Variants in DDC observed in about 807,000 individuals in gnomAD.
DDC encodes the protein dopa decarboxylase.
A neutral mutation model predicts 60.0 loss-of-function variants in DDC; 43 were observed. That is an observed-to-expected ratio of 0.72 (90% CI 0.56 to 0.92). DDC has a LOEUF of 0.92. Ranked by LOEUF, DDC falls within the 40% of genes least tolerant of loss-of-function variation. The pLI, the probability that DDC is intolerant of heterozygous loss-of-function variation, is 0.00. For synonymous variants in DDC, 232 were observed against 234.6 expected (o/e 0.99, Z 0.10); for missense variants, 573 against 620.2 (o/e 0.92, Z 0.81).
chr7:50,488,060 G>C (rs2153537667), intron 9 of DDC, among the ~76,000 whole-genome samples: 1 of 152,074 alleles, frequency 6.6e-6, no homozygotes, highest in East Asian at 1.9e-4. Flanking sequence ...TTTTTACATA[G>C]GTAAACACCT....
intron 14 of DDC, among the ~76,000 whole-genome samples, chr7:50,459,226 C>G (rs919598405): frequency 6.6e-6 from 1 of 152,220 alleles, no homozygotes; most frequent in South Asian, 2.1e-4. Flanking sequence ...CCCGAGGTGC[C>G]GGGATTGCAG....
chr7:50,479,682 C>G, intron 10 of DDC, 105 bp downstream of exon 10: 1 of 990,880 alleles, frequency 1.0e-6, no homozygotes, highest in East Asian at 2.4e-5. Context: ...CTGTGAAAGC[C>G]TCCTTGGATA....
At chr7:50,492,557 C>A (rs6592952) in intron 9 of DDC, 171,460 of 364,984 alleles carry the variant, frequency 0.47, 41,094 homozygotes, top group Admixed American at 0.5. Context: ...AACCACCCTG[C>A]CCCACCACTG....
chr7:50,483,397 T>C (rs1166813778), intron 9 of DDC, among the ~76,000 whole-genome samples: 1 of 152,232 alleles, frequency 6.6e-6, no homozygotes, highest in Non-Finnish European at 1.5e-5. Context: ...TTGGATTTTA[T>C]TTGCTAATGT....
chr7:50,540,803 C>A (rs1006565208), intron 2 of DDC, among the ~76,000 whole-genome samples: 4 of 152,192 alleles, frequency 2.6e-5, no homozygotes, highest in African/African-American at 9.7e-5. Flanking sequence ...GGGGTAGTGA[C>A]AGCTCCAGGT....
chr7:50,563,484 G>A (rs2045381265), intron 1 of DDC, among the ~76,000 whole-genome samples: 1 of 152,078 alleles, frequency 6.6e-6, no homozygotes, highest in Admixed American at 6.5e-5. Flanking sequence ...AAAGATGGTG[G>A]ATTTGTTGAT....
At chr7:50,558,898 A>G (rs539067393) in intron 1 of DDC, among the ~76,000 whole-genome samples, 1 of 152,338 alleles carries the variant, frequency 6.6e-6, no homozygotes, top group Admixed American at 6.5e-5. Flanking sequence ...GAACAGGGGA[A>G]TGTGGCTTCG....
At chr7:50,490,634 A>T (rs1410235122) in intron 9 of DDC, among the ~76,000 whole-genome samples, 1 of 151,852 alleles carries the variant, frequency 6.6e-6, no homozygotes, top group Non-Finnish European at 1.5e-5. Flanking sequence ...CATGCCACTG[A>T]GCCGAGATCA....
chr7:50,537,695 G>T (rs1563038337), intron 4 of DDC, among the ~76,000 whole-genome samples, 165 bp downstream of exon 4: 1 of 152,218 alleles, frequency 6.6e-6, no homozygotes, highest in Admixed American at 6.5e-5. Context: ...TCCAGATCCT[G>T]CCAATCCCAA....
At chr7:50,559,998 G>T (rs1043694666) in intron 1 of DDC, among the ~76,000 whole-genome samples, 7 of 152,202 alleles carry the variant, frequency 4.6e-5, no homozygotes, top group African/African-American at 1.4e-4. Context: ...AGGAAGAAAA[G>T]AAACTGCTGA....
Position 50,494,057 on chromosome 7 carries a change from C to A in DDC, c.944+1293G>T, listed in dbSNP as rs899498706. 4.6e-5 allele frequency among the ~76,000 whole-genome samples: 7 copies of A among 152,308 alleles called. 1 individual carries two copies. Among genetic ancestry groups the A allele is most frequent in the Admixed American group, 3.9e-4 (6 of 15,302 alleles). ...CTATGATCAATCAATCAACTTCTTA[C>A]TTTAAAACTTTAGAGAAACTAGTTT... On this transcript the variant is annotated intron_variant, in intron 9 of 14. Coordinates refer to ENST00000444124, the MANE Select transcript of DDC (RefSeq NM_001082971.2).
At chr7:50,516,660 A>T (rs2043739910) in intron 6 of DDC, among the ~76,000 whole-genome samples, 1 of 152,206 alleles carries the variant, frequency 6.6e-6, no homozygotes, top group African/African-American at 2.4e-5. Flanking sequence ...TGAAAAGTTA[A>T]ATAAAATTGA....
intron 10 of DDC, chr7:50,477,459 C>T (rs975553921): frequency 4.5e-5 from 20 of 448,458 alleles, no homozygotes; most frequent in Non-Finnish European, 7.1e-5. Flanking sequence ...CCTACTTCCG[C>T]AGTCAACAGG....
At chr7:50,486,661 C>T (rs2042885658) in intron 9 of DDC, among the ~76,000 whole-genome samples, 1 of 152,140 alleles carries the variant, frequency 6.6e-6, no homozygotes, top group African/African-American at 2.4e-5. Flanking sequence ...ATATGACTGA[C>T]TGTATTTGAA....
At chr7:50,465,842 G>C (rs978015354) in intron 13 of DDC, among the ~76,000 whole-genome samples, 7 of 152,218 alleles carry the variant, frequency 4.6e-5, no homozygotes, top group Non-Finnish European at 8.8e-5. Flanking sequence ...TGGTTGACTG[G>C]ACACATCCTG....
At chr7:50,553,004 GTCTGGGCAC>G (rs563237988) in intron 1 of DDC, among the ~76,000 whole-genome samples, 36 of 152,322 alleles carry the variant, frequency 2.4e-4, no homozygotes, top group African/African-American at 8.7e-4. Flanking sequence ...GTGTCCTGCA[GTCTGGGCAC>G]TGCAATTTCA....
intron 4 of DDC, among the ~76,000 whole-genome samples, chr7:50,530,068 G>T (rs1341573551): frequency 6.6e-6 from 1 of 151,976 alleles, no homozygotes; most frequent in Non-Finnish European, 1.5e-5. Context: ...ACCAGCCTGG[G>T]CAACATACCG....
intron 13 of DDC, 64 bp from the exon 14 acceptor site, chr7:50,463,495 T>G: frequency 7.1e-7 from 1 of 1,414,428 alleles, no homozygotes; most frequent in Non-Finnish European, 1.0e-6. Context: ...CAACTGGTCA[T>G]GTAGGAAAGA....
chr7:50,476,640 A>G lies in DDC; in HGVS notation c.1025T>C (p.Leu342Pro). ...CCCACTTACCCGGTAGTCAGTGATAAGCCCTGGAGAAAAGAGAAAGAAAAA... is the reference window on the plus strand; with the variant it reads ...CCCACTTACCCGGTAGTCAGTGATAGGCCCTGGAGAAAAGAGAAAGAAAAA... ...YLKHSHQDSG[L>P]ITDYRHWQIP... The change falls in exon 11 of 15, where the codon CTT becomes CCT. Residue 342 changes from leucine (L) to proline (P), a missense_variant. Physicochemically the swap from Leu to Pro is moderately conservative, Grantham distance 98. Transcript: ENST00000444124. 2 of 1,612,362 alleles carry G rather than the reference A, an allele frequency of 1.2e-6. No individual in the cohort carries two copies. Among genetic ancestry groups the G allele is most frequent in the South Asian group, 2.2e-5 (2 of 91,046 alleles).
Sources: allele counts gnomAD v4.1 joint callset (sites outside exome capture counted in the v4.1 genomes callset), GRCh38; gene constraint gnomAD v4.1.1; transcripts MANE v1.5; gene names NCBI Gene and HGNC (gene_info 2026-07-23, HGNC 2026-07-21).